CSMD1: variants seen among roughly 807,000 people sequenced by gnomAD.
The protein encoded by CSMD1 is CUB and Sushi multiple domains 1.
In CSMD1, 213 loss-of-function variants were observed where a neutral mutation model predicts 417.5. The ratio of observed to expected loss-of-function variants is 0.51; its 90% confidence interval spans 0.46 to 0.57. The LOEUF is 0.57. CSMD1 is among the 20% of genes least tolerant of loss of function. CSMD1 has a pLI of 0.00. For missense variants in CSMD1, 6,923 were observed against 4,529.7 expected, an observed-to-expected ratio of 1.53 and a Z score of -15.17; for synonymous variants, 2,862 against 1,736.8, an observed-to-expected ratio of 1.65 and a Z score of -16.11.
chr8:3,308,794 C>A (rs1584972842), intron 23 of CSMD1, among the ~76,000 whole-genome samples: 1 of 134,458 alleles, frequency 7.4e-6, no homozygotes, highest in South Asian at 2.4e-4. Context: ...CGTGATCTTG[C>A]CTCACTGCAA....
At chr8:4,456,858 C>G (rs767292139) in intron 2 of CSMD1, among the ~76,000 whole-genome samples, 4 of 152,000 alleles carry the variant, frequency 2.6e-5, no homozygotes, top group African/African-American at 9.7e-5. Flanking sequence ...CCAAGCCTGG[C>G]CCTGGGCACT....
At chr8:3,565,159 A>AAAAAG (rs1554471702) in intron 10 of CSMD1, among the ~76,000 whole-genome samples, 1 of 138,094 alleles carries the variant, frequency 7.2e-6, no homozygotes, top group Non-Finnish European at 1.5e-5. Context: ...AAAAAAAAAA[A>AAAAAG]AGAGAGAGAT....
intron 2 of CSMD1, among the ~76,000 whole-genome samples, chr8:4,443,657 A>G (rs533543130): frequency 6.6e-6 from 1 of 152,340 alleles, no homozygotes; most frequent in South Asian, 2.1e-4. Flanking sequence ...ACGTGCAGTT[A>G]AAGAAATAGC....
chr8:3,899,327 A>C (rs1807573760), intron 5 of CSMD1, among the ~76,000 whole-genome samples: 1 of 152,228 alleles, frequency 6.6e-6, no homozygotes, highest in African/African-American at 2.4e-5. Flanking sequence ...GTGCTACTTC[A>C]GAGCAGGTGT....
At chr8:3,363,403 T>G (rs1809328352) in intron 20 of CSMD1, among the ~76,000 whole-genome samples, 1 of 152,178 alleles carries the variant, frequency 6.6e-6, no homozygotes, top group African/African-American at 2.4e-5. Context: ...TCTCCTGTAT[T>G]ATATAGAAGA....
chr8:3,631,802 A>C (rs908964560), intron 7 of CSMD1, among the ~76,000 whole-genome samples: 1 of 152,162 alleles, frequency 6.6e-6, no homozygotes, highest in African/African-American at 2.4e-5. Context: ...TCTCTGCCTT[A>C]GGCACTAACA....
chr8:3,373,447 C>G (rs1810103023), intron 18 of CSMD1: 1 of 152,218 alleles, frequency 6.6e-6, no homozygotes, highest in Middle Eastern at 3.4e-3. Flanking sequence ...ATCATGAAGA[C>G]TTTACATAAA....
At chr8:3,444,157 A>C (rs1815161145) in intron 12 of CSMD1, among the ~76,000 whole-genome samples, 1 of 152,172 alleles carries the variant, frequency 6.6e-6, no homozygotes, top group African/African-American at 2.4e-5. Flanking sequence ...TTAATATTGT[A>C]AGTGTCCAGA....
intron 1 of CSMD1, among the ~76,000 whole-genome samples, chr8:4,667,708 C>T (rs189562404): frequency 6.6e-6 from 1 of 152,218 alleles, no homozygotes; most frequent in Admixed American, 6.5e-5. Flanking sequence ...AAATATTGAC[C>T]TTAAATCACA....
chr8:4,001,666 A>G (rs1815683843), intron 4 of CSMD1, among the ~76,000 whole-genome samples: 2 of 151,990 alleles, frequency 1.3e-5, no homozygotes, highest in Non-Finnish European at 2.9e-5. Flanking sequence ...TACTATCTAC[A>G]TTTTCCTAGA....
At chr8:3,494,597 TAGATAGATAG>T (rs1563092157) in intron 10 of CSMD1, among the ~76,000 whole-genome samples, 25 of 148,492 alleles carry the variant, frequency 1.7e-4, no homozygotes, top group Non-Finnish European at 6.0e-5. Context: ...GATAGATAGA[TAGATAGATAG>T]ATGACAGATA....
At chr8:4,784,379 C>T (rs898862160) in intron 1 of CSMD1, among the ~76,000 whole-genome samples, 7 of 152,118 alleles carry the variant, frequency 4.6e-5, no homozygotes, top group African/African-American at 1.4e-4. Flanking sequence ...AACTGTGCTA[C>T]CTTGTAACAC....
At chr8:3,274,380 G>C (rs532415902) in intron 26 of CSMD1, among the ~76,000 whole-genome samples, 200 of 152,206 alleles carry the variant, frequency 1.3e-3, no homozygotes, top group East Asian at 4.1e-3. Flanking sequence ...GGTGTGGTGT[G>C]GTGCTGAAAA....
chr8:3,270,376 A>C (rs533693653), intron 26 of CSMD1, among the ~76,000 whole-genome samples: 3 of 152,102 alleles, frequency 2.0e-5, no homozygotes, highest in Non-Finnish European at 4.4e-5. Flanking sequence ...CTTACTAGAC[A>C]GTTGTTGCTG....
chr8:3,020,882 G>A (rs1012165981), intron 51 of CSMD1, among the ~76,000 whole-genome samples: 1 of 152,210 alleles, frequency 6.6e-6, no homozygotes, highest in Non-Finnish European at 1.5e-5. Context: ...TTTGCATTTA[G>A]TAATATGCTA....
chr8:3,265,642 C>T (rs1019187187), intron 26 of CSMD1, among the ~76,000 whole-genome samples: 1 of 152,150 alleles, frequency 6.6e-6, no homozygotes, highest in Non-Finnish European at 1.5e-5. Flanking sequence ...TGGAGAAGCC[C>T]AGTGCTGGCC....
intron 5 of CSMD1, among the ~76,000 whole-genome samples, chr8:3,831,971 C>G (rs1802403778): frequency 6.6e-6 from 1 of 152,172 alleles, no homozygotes; most frequent in Non-Finnish European, 1.5e-5. Flanking sequence ...AGGTTTTGTA[C>G]ATTTGTGTTG....
At chr8:4,260,991 T>C (rs546903094) in intron 3 of CSMD1, among the ~76,000 whole-genome samples, 1 of 152,210 alleles carries the variant, frequency 6.6e-6, no homozygotes, top group Non-Finnish European at 1.5e-5. Context: ...GTAAACAACG[T>C]ATCATTCAAT....
At chr8:4,006,992 T>C (rs1330023638) in intron 4 of CSMD1, among the ~76,000 whole-genome samples, 1 of 151,866 alleles carries the variant, frequency 6.6e-6, no homozygotes, top group Non-Finnish European at 1.5e-5. Context: ...CACACCCGGC[T>C]AATTTTTGTG....
Sources: gnomAD v4.1 joint callset for allele counts (sites outside exome capture counted in the v4.1 genomes callset) on GRCh38, gnomAD v4.1.1 for gene constraint, MANE v1.5 for transcripts, NCBI Gene and HGNC (gene_info 2026-07-23, HGNC 2026-07-21) for gene names.